SLC10A7: variants seen among roughly 807,000 people sequenced by gnomAD.
SLC10A7 encodes the protein solute carrier family 10 member 7.
SLC10A7 carries 29 observed loss-of-function variants against 43.2 expected under a neutral mutation model. The ratio of observed to expected loss-of-function variants is 0.67; its 90% confidence interval spans 0.50 to 0.92. SLC10A7 has a LOEUF of 0.92. Among genes scored for constraint, SLC10A7 ranks in the 40% least tolerant of loss-of-function variants. The pLI is 0.00. For synonymous variants in SLC10A7, 152 were observed against 144.8 expected (o/e 1.05, Z -0.35); for missense variants, 295 against 403.2 (o/e 0.73, Z 2.30).
At chr4:146,426,772 G>C (rs1729388378) in intron 5 of SLC10A7, among the ~76,000 whole-genome samples, 1 of 152,114 alleles carries the variant, frequency 6.6e-6, no homozygotes, top group Admixed American at 6.5e-5. Flanking sequence ...CTACTCGGGA[G>C]GCTGAGGCAG....
Position 146,315,685 on chromosome 4 carries a change from C to T in SLC10A7, c.472-9676G>A, listed in dbSNP as rs544862474. 2.6e-5 allele frequency among the ~76,000 whole-genome samples: 4 copies of T among 152,080 alleles called. No individual in the cohort carries two copies. In the South Asian group the frequency reaches 8.3e-4, roughly 32 times the overall value. ...AATTTTAATTATTTGTGCATGTATC[C>T]TCTTTTCTCTATTAAACCATAAGAT... is the stretch of plus-strand genomic sequence containing the variant. On this transcript the variant is annotated intron_variant, in intron 6 of 11. Transcript: ENST00000335472.
Position 146,451,245 on chromosome 4 carries a change from A to AAAC in SLC10A7, c.397-8425_397-8424insGTT, listed in dbSNP as rs1553975834. Among the ~76,000 whole-genome samples, 973 of 149,430 alleles carry AAAC rather than the reference A, an allele frequency of 6.5e-3. 11 individuals are homozygous for AAAC. Among genetic ancestry groups the AAAC allele is most frequent in the African/African-American group, 0.023 (928 of 40,596 alleles). On this transcript the variant is annotated intron_variant, in intron 4 of 11. Transcript: ENST00000335472. ...AAGTCTCCCACCAAAAAAAAAAAAAAAAAAACAAAAAAAAACCAGGACCAG... is the reference window on the plus strand; with the variant it reads ...AAGTCTCCCACCAAAAAAAAAAAAAAAACAAAAACAAAAAAAAACCAGGACCAG...
chr4:146,458,828 T>A (rs753240859), intron 4 of SLC10A7, among the ~76,000 whole-genome samples: 2 of 151,862 alleles, frequency 1.3e-5, no homozygotes, highest in Admixed American at 1.3e-4. Context: ...TAAAACTCTC[T>A]TTACTTATCT....
intron 4 of SLC10A7, among the ~76,000 whole-genome samples, chr4:146,455,185 G>C (rs1470265139): frequency 2.6e-5 from 4 of 151,832 alleles, no homozygotes; most frequent in Admixed American, 6.6e-5. Flanking sequence ...TCTAGGGCTA[G>C]AAGACAGACA....
At chr4:146,493,353 A>C (rs1276508870) in intron 4 of SLC10A7, among the ~76,000 whole-genome samples, 2 of 152,222 alleles carry the variant, frequency 1.3e-5, no homozygotes, top group African/African-American at 4.8e-5. Flanking sequence ...GTCATCATAC[A>C]TGCAGATATT....
chr4:146,487,503 C>T (rs1735027638), intron 4 of SLC10A7, among the ~76,000 whole-genome samples: 1 of 152,154 alleles, frequency 6.6e-6, no homozygotes, highest in Admixed American at 6.5e-5. Flanking sequence ...AAATGTCAAG[C>T]CATCCAACTT....
rs564705683 is a variant in SLC10A7 at position 146,497,046 on chromosome 4, A to T, written c.396+6803T>A. On this transcript the variant is annotated intron_variant, in intron 4 of 11. Coordinates refer to ENST00000335472, the MANE Select transcript of SLC10A7 (RefSeq NM_001029998.6). The stretch of plus-strand genomic sequence containing the variant: ...GTTTTACACCCTTTTTATAGCTACG[A>T]TAGGTTTCATAATTTTTAAAAGAAG... Among the ~76,000 whole-genome samples the T allele has an allele frequency of 1.1e-4, 17 of 152,326 alleles. No individual in the cohort carries two copies. The South Asian group carries it at 2.9e-3, about 26-fold the overall frequency.
intron 10 of SLC10A7, among the ~76,000 whole-genome samples, chr4:146,264,180 C>T (rs1269439459): frequency 6.6e-6 from 1 of 152,074 alleles, no homozygotes; most frequent in Non-Finnish European, 1.5e-5. Context: ...ACAATATGTA[C>T]AAGAACAAGT....
chr4:146,485,830 G>A (rs942445584), intron 4 of SLC10A7, among the ~76,000 whole-genome samples: 1 of 151,990 alleles, frequency 6.6e-6, no homozygotes, highest in Non-Finnish European at 1.5e-5. Context: ...AGACCTGGTT[G>A]GTGAAGGAAT....
chr4:146,490,887 C>A (rs1049113011), intron 4 of SLC10A7, among the ~76,000 whole-genome samples: 3 of 152,182 alleles, frequency 2.0e-5, no homozygotes, highest in Non-Finnish European at 4.4e-5. Flanking sequence ...GGATCATTCT[C>A]CAGCTTCCCA....
At chr4:146,374,108 T>A (rs1425902017) in intron 5 of SLC10A7, among the ~76,000 whole-genome samples, 1 of 152,226 alleles carries the variant, frequency 6.6e-6, no homozygotes, top group African/African-American at 2.4e-5. Flanking sequence ...TTGGATCTGC[T>A]TCTCCATTTT....
At chr4:146,426,731 T>G (rs930611186) in intron 5 of SLC10A7, among the ~76,000 whole-genome samples, 2 of 151,986 alleles carry the variant, frequency 1.3e-5, no homozygotes, top group Non-Finnish European at 2.9e-5. Context: ...AAAAATTAGC[T>G]GGGCATGGTG....
intron 4 of SLC10A7, among the ~76,000 whole-genome samples, chr4:146,486,875 A>G (rs1373465117): frequency 6.6e-6 from 1 of 152,216 alleles, no homozygotes; most frequent in Admixed American, 6.5e-5. Flanking sequence ...TGGCCCACCC[A>G]TATCACCCAG....
rs541018099 is a variant in SLC10A7, at chr4:146,451,241, A to C, written c.397-8420T>G. On this transcript the variant is annotated intron_variant, in intron 4 of 11. Transcript: ENST00000335472. ...TCAGAAGTCTCCCACCAAAAAAAAA[A>C]AAAAAAAAACAAAAAAAAACCAGGA... 2.3e-3 allele frequency among the ~76,000 whole-genome samples: 344 copies of C among 150,240 alleles called. 5 individuals are homozygous for C. The highest frequency in any genetic ancestry group is 7.6e-3 in the African/African-American group (313 of 40,970).
At chr4:146,300,743 A>AT (rs1441419537) in intron 7 of SLC10A7, among the ~76,000 whole-genome samples, 1 of 151,990 alleles carries the variant, frequency 6.6e-6, no homozygotes, top group African/African-American at 2.4e-5. Context: ...TGAAATATTT[A>AT]TTTTTTCTTG....
intron 5 of SLC10A7, among the ~76,000 whole-genome samples, chr4:146,370,773 G>A (rs537392837): frequency 1.8e-4 from 27 of 152,128 alleles, no homozygotes; most frequent in Middle Eastern, 3.4e-3. Flanking sequence ...TTACGTTTCC[G>A]AAATGTCTAC....
intron 6 of SLC10A7, among the ~76,000 whole-genome samples, chr4:146,313,298 C>T (rs1732104924): frequency 6.6e-6 from 1 of 152,188 alleles, no homozygotes; most frequent in Admixed American, 6.5e-5. Context: ...AGAAGTCCCA[C>T]ACCAGCAGTG....
chr4:146,284,428 G>A (rs1729753061), intron 9 of SLC10A7, among the ~76,000 whole-genome samples: 1 of 152,046 alleles, frequency 6.6e-6, no homozygotes, highest in Non-Finnish European at 1.5e-5. Flanking sequence ...ATACCCACAG[G>A]AGGAGAGAAG....
At chr4:146,460,312 G>A (rs1732421442) in intron 4 of SLC10A7, among the ~76,000 whole-genome samples, 1 of 151,926 alleles carries the variant, frequency 6.6e-6, no homozygotes, top group Non-Finnish European at 1.5e-5. Flanking sequence ...TTTACCATAT[G>A]ACCAAACCAT....
Sources: allele counts gnomAD v4.1 joint callset (sites outside exome capture counted in the v4.1 genomes callset), GRCh38; gene constraint gnomAD v4.1.1; transcripts MANE v1.5; gene names NCBI Gene and HGNC (gene_info 2026-07-23, HGNC 2026-07-21).